Variants in ZCCHC2 observed in about 807,000 individuals in gnomAD.
ZCCHC2 encodes the protein zinc finger CCHC-type containing 2.
ZCCHC2 carries 39 observed loss-of-function variants against 103.6 expected under a neutral mutation model. The ratio of observed to expected loss-of-function variants is 0.38; its 90% CI spans 0.29 to 0.49. The LOEUF is 0.49. Ranked by LOEUF, ZCCHC2 falls within the 20% of genes least tolerant of loss-of-function variation. The probability of loss-of-function intolerance (pLI) is 0.96; values close to 1 mark genes in which losing one functional copy is unlikely to be tolerated. For missense variants in ZCCHC2, 1,483 were observed against 1,491.0 expected (o/e 0.99, Z 0.09); for synonymous variants, 687 against 608.9 (o/e 1.13, Z -1.89).
At chr18:62,548,410 G>A (rs1173576923) in intron 4 of ZCCHC2, among the ~76,000 whole-genome samples, 3 of 152,204 alleles carry the variant, frequency 2.0e-5, no homozygotes, top group Non-Finnish European at 4.4e-5. Flanking sequence ...TCACTGAACT[G>A]TCAATAGTTA....
chr18:62,531,346 C>T lies in ZCCHC2; in HGVS notation c.939+6983C>T, dbSNP rs180900691. ...CTTCCTTCTGTTTTTCCTATGCTCT[C>T]GGGAACATTTGACCTTTAGTTCCTT... On this transcript the variant is annotated intron_variant, in intron 1 of 13. Coordinates refer to ENST00000269499, the MANE Select transcript of ZCCHC2 (RefSeq NM_017742.6). Among the ~76,000 whole-genome samples, 425 of 152,280 alleles carry T rather than the reference C, an allele frequency of 2.8e-3. 3 individuals carry two copies. Among genetic ancestry groups the T allele is most frequent in the African/African-American group, 8.1e-3 (336 of 41,572 alleles).
rs1414710305 is a variant in ZCCHC2 at position 62,562,537 on chromosome 18, A to G, written c.1551-472A>G. On this transcript the variant is annotated intron_variant, in intron 8 of 13. Coordinates refer to ENST00000269499, the MANE Select transcript of ZCCHC2 (RefSeq NM_017742.6). ...TCTCTTCCAAAATCCTCAGTATTGTATTTGTCAACCATGTTAAGCACTGTT... is the reference window on the plus strand; with the variant it reads ...TCTCTTCCAAAATCCTCAGTATTGTGTTTGTCAACCATGTTAAGCACTGTT... 5.3e-5 allele frequency among the ~76,000 whole-genome samples: 8 copies of G among 151,506 alleles called. No homozygotes were observed. In the East Asian group the frequency reaches 1.5e-3, roughly 29 times the overall value.
intron 9 of ZCCHC2, 132 bp downstream of exon 9, chr18:62,563,276 T>C (rs1916205174): frequency 9.3e-7 from 1 of 1,079,086 alleles, no homozygotes; most frequent in East Asian, 2.6e-5. Flanking sequence ...AGTTTTAGAC[T>C]TTATACTTAT....
Position 62,524,081 on chromosome 18 carries a change from C to T in ZCCHC2, c.657C>T (p.Asp219=). ...AGGGCTCGCGGGGCGGCGCGGAGGA[C>T]GAGCGCGGCGAGGACGGCGACGGCG... ...RGEGSRGGAE[D]ERGEDGDGEQ... is the part of the protein sequence containing the mutation. Residue 219 remains aspartate (D), a synonymous_variant, in exon 1 of 14, where the codon GAC becomes GAT. Transcript: ENST00000269499. 2 of 1,509,748 alleles carry T rather than the reference C, an allele frequency of 1.3e-6. No individual in the cohort carries two copies. The highest frequency in any genetic ancestry group is 1.8e-6 in the Non-Finnish European group (2 of 1,135,910). 93.5% of individuals were successfully genotyped at this position (1,509,748 alleles called of 1,614,324 possible).
At chr18:62,546,181 G>A (rs1915398792) in intron 4 of ZCCHC2, among the ~76,000 whole-genome samples, 1 of 152,194 alleles carries the variant, frequency 6.6e-6, no homozygotes, top group Non-Finnish European at 1.5e-5. Context: ...ACACCTTGGG[G>A]AGAGAGATGG....
chr18:62,523,870 A>C lies in ZCCHC2; in HGVS notation c.446A>C (p.Glu149Ala), dbSNP rs1427229462. Reference protein sequence around the residue: ...RKDYHYLRDSEAKANGLSDPG... With the variant: ...RKDYHYLRDSAAKANGLSDPG... The stretch of plus-strand genomic sequence containing the variant: ...GACTACCACTACCTGCGCGACTCGG[A>C]GGCCAAGGCCAACGGCCTCTCGGAC... Residue 149 changes from glutamate to alanine, a missense_variant, in exon 1 of 14, where the codon GAG becomes GCG. Physicochemically the swap from Glu to Ala is moderately radical, Grantham distance 107. Transcript: ENST00000269499. 2.6e-6 allele frequency: 4 copies of C among 1,543,492 alleles called. No homozygotes were observed. Among genetic ancestry groups the C allele is most frequent in the East Asian group, 2.5e-5 (1 of 40,584 alleles).
rs566313399 is a variant in ZCCHC2 at position 62,578,495 on chromosome 18, G to A, written c.*1916G>A. 1 of 152,694 alleles carries A rather than the reference G, an allele frequency of 6.5e-6. No homozygotes were observed. Among genetic ancestry groups the A allele is most frequent in the East Asian group, 1.9e-4 (1 of 5,180 alleles). The allele number at this position is 152,694 out of a possible 1,614,324, so 9.5% of individuals were successfully genotyped here. Reference sequence around the variant, plus strand: ...TTGATATTTGAAATGTTATGTACTGGAAAGGCCACTTATATTTCTAGAACA... The same window carrying A: ...TTGATATTTGAAATGTTATGTACTGAAAAGGCCACTTATATTTCTAGAACA... On this transcript the variant is annotated 3_prime_UTR_variant, in exon 14 of 14. Transcript: ENST00000269499.
Position 62,565,100 on chromosome 18 carries a change from A to G in ZCCHC2, c.1846+4A>G. ...GCCCATGGTGGTACTGTGAAAGGTA[A>G]GAAGGTTATTTTTCTTTCAAATACC... On this transcript the variant is annotated splice_donor_region_variant and intron_variant, in intron 11 of 13. Transcript: ENST00000269499. 6.2e-7 allele frequency: 1 copy of G among 1,606,278 alleles called. No homozygotes were observed. Among genetic ancestry groups the G allele is most frequent in the Non-Finnish European group, 8.5e-7 (1 of 1,173,454 alleles).
intron 1 of ZCCHC2, chr18:62,525,195 C>T (rs659683): frequency 0.8 from 121,342 of 152,124 alleles, 48,842 homozygotes; most frequent in African/African-American, 0.9. Context: ...CCAAAAGAAT[C>T]ACTTAAACAC....
intron 4 of ZCCHC2, among the ~76,000 whole-genome samples, chr18:62,549,367 C>T (rs1201756074): frequency 6.6e-6 from 1 of 152,226 alleles, no homozygotes; most frequent in East Asian, 1.9e-4. Context: ...TCTACTGTAC[C>T]CACAATGAGG....
At chr18:62,564,488 A>G in intron 9 of ZCCHC2, 83 bp from the exon 10 acceptor site, 3 of 1,013,494 alleles carry the variant, frequency 3.0e-6, no homozygotes, top group South Asian at 3.7e-5. Flanking sequence ...CTGGGAATCT[A>G]TCATTTTAAT....
At chr18:62,579,393 T>C (rs1598972086), downstream of ZCCHC2, among the ~76,000 whole-genome samples, 1 of 151,958 alleles carries the variant, frequency 6.6e-6, no homozygotes, top group Non-Finnish European at 1.5e-5. Flanking sequence ...TAAGAGACGG[T>C]TGGGGGCCTG....
chr18:62,547,847 G>A (rs1028749610), intron 4 of ZCCHC2, among the ~76,000 whole-genome samples: 5 of 151,946 alleles, frequency 3.3e-5, no homozygotes, highest in Admixed American at 3.3e-4. Context: ...ACATGGTGTG[G>A]GCCACCATGT....
chr18:62,530,261 G>A (rs1914622416), intron 1 of ZCCHC2, among the ~76,000 whole-genome samples: 1 of 152,116 alleles, frequency 6.6e-6, no homozygotes, highest in African/African-American at 2.4e-5. Context: ...AGGCTTGGAG[G>A]GTTACGTTTC....
intron 5 of ZCCHC2, among the ~76,000 whole-genome samples, chr18:62,555,698 C>G (rs982574522): frequency 6.6e-6 from 1 of 152,098 alleles, no homozygotes; most frequent in Non-Finnish European, 1.5e-5. Context: ...ATCCCAGCTA[C>G]TCGGGATGCT....
At chr18:62,555,445 A>G (rs1000628389) in intron 5 of ZCCHC2, among the ~76,000 whole-genome samples, 2 of 152,202 alleles carry the variant, frequency 1.3e-5, no homozygotes, top group Non-Finnish European at 2.9e-5. Flanking sequence ...ACTGTTCCAT[A>G]TTTTTCAGGA....
At position 62,560,631 on chromosome 18, in the gene ZCCHC2, A is replaced by G. The variant is rs770350390; in HGVS notation, c.1537A>G (p.Ser513Gly). ...AATCCACAAGAAGCATACTGGGAAA[A>G]GTCCCATTGTGAAGTAAGTATCCTC... is the stretch of plus-strand genomic sequence containing the variant. ...AIIHKKHTGK[S>G]PIVNNIGTSC... The change falls in exon 8 of 14, where the codon AGT (serine) becomes GGT (glycine). Residue 513 changes from serine (S) to glycine (G), a missense_variant. By Grantham distance (56) the Ser-to-Gly change is moderately conservative. Transcript: ENST00000269499. 6.2e-7 allele frequency: 1 copy of G among 1,613,258 alleles called. No homozygotes were observed. The highest frequency in any genetic ancestry group is 1.1e-5 in the South Asian group (1 of 91,010).
rs570302825 is a variant in ZCCHC2, at chr18:62,573,913, A to C, written c.1976-144A>C. On this transcript the variant is annotated intron_variant, in intron 12 of 13. Coordinates refer to ENST00000269499, the MANE Select transcript of ZCCHC2 (RefSeq NM_017742.6). ...CGACCCATAGAAAGCCGAAAGTTAA[A>C]GGGAGGTCAGCTTGGACAGTCAGGA... is the stretch of plus-strand genomic sequence containing the variant. 112 of 787,418 alleles carry C rather than the reference A, an allele frequency of 1.4e-4. No homozygotes were observed. The African/African-American group carries it at 1.6e-3, about 12-fold the overall frequency. 48.8% of individuals were successfully genotyped at this position (787,418 alleles called of 1,614,324 possible).
At chr18:62,582,005 G>A (rs1917049312), downstream of ZCCHC2, 1 of 154,234 alleles carries the variant, frequency 6.5e-6, no homozygotes, top group African/African-American at 2.4e-5. Flanking sequence ...AAACAGCAGT[G>A]TGTGGTTGGG....
Sources: gnomAD v4.1 joint callset for allele counts (sites outside exome capture counted in the v4.1 genomes callset) on GRCh38, gnomAD v4.1.1 for gene constraint, MANE v1.5 for transcripts, NCBI Gene and HGNC (gene_info 2026-07-23, HGNC 2026-07-21) for gene names.